Variants in HMGCS1 observed in about 807,000 individuals in gnomAD.
HMGCS1 encodes 3-hydroxy-3-methylglutaryl-CoA synthase 1, also known as hydroxymethylglutaryl-CoA synthase, cytoplasmic.
Under a neutral mutation model 52.3 loss-of-function variants are expected in HMGCS1, and 9 were observed. The observed-to-expected ratio is 0.17, with a 90% CI of 0.10 to 0.30. The LOEUF (loss-of-function observed/expected upper bound fraction) is 0.30. HMGCS1 is among the 10% of genes least tolerant of loss of function. The pLI is 1.00. For missense variants in HMGCS1, 320 were observed against 620.9 expected (o/e 0.52, Z 5.15); for synonymous variants, 176 against 214.4 (o/e 0.82, Z 1.57).
chr5:43,300,855 T>A (rs1019295044), intron 2 of HMGCS1, among the ~76,000 whole-genome samples: 1 of 151,430 alleles, frequency 6.6e-6, no homozygotes, highest in Non-Finnish European at 1.5e-5. Context: ...GTATCTTCCT[T>A]CCAAACAGAA....
chr5:43,308,646 G>A (rs536038273), intron 1 of HMGCS1, among the ~76,000 whole-genome samples: 1 of 152,268 alleles, frequency 6.6e-6, no homozygotes, highest in East Asian at 1.9e-4. Flanking sequence ...CAGTCCATCT[G>A]TTTTGAAAGA....
chr5:43,293,976 A>G, intron 8 of HMGCS1, 80 bp downstream of exon 8: 1 of 940,240 alleles, frequency 1.1e-6, no homozygotes, highest in Non-Finnish European at 1.7e-6. Flanking sequence ...CGGCCTCCCA[A>G]ACTGCTGGGA....
At chr5:43,311,458 C>T (rs112646866) in intron 1 of HMGCS1, among the ~76,000 whole-genome samples, 15 of 152,164 alleles carry the variant, frequency 9.9e-5, no homozygotes, top group African/African-American at 3.6e-4. Context: ...TCCACAGTAA[C>T]CCAGCATAAA....
At chr5:43,296,590 C>T (rs558836173) in intron 5 of HMGCS1, among the ~76,000 whole-genome samples, 6 of 152,144 alleles carry the variant, frequency 3.9e-5, no homozygotes, top group Admixed American at 3.3e-4. Context: ...AAAACAAATA[C>T]AAATTCACAG....
At chr5:43,310,153 G>A (rs1338205240) in intron 1 of HMGCS1, among the ~76,000 whole-genome samples, 2 of 152,174 alleles carry the variant, frequency 1.3e-5, no homozygotes, top group Non-Finnish European at 2.9e-5. Context: ...TGTTAAGAAA[G>A]ACTTGCTCAA....
intron 1 of HMGCS1, among the ~76,000 whole-genome samples, chr5:43,309,076 T>C (rs928828611): frequency 3.3e-5 from 5 of 152,080 alleles, no homozygotes; most frequent in Non-Finnish European, 5.9e-5. Context: ...AGAGACCAGT[T>C]CTTGAAAAAC....
chr5:43,307,174 G>A (rs989383641), intron 2 of HMGCS1, among the ~76,000 whole-genome samples: 2 of 150,790 alleles, frequency 1.3e-5, no homozygotes, highest in African/African-American at 4.9e-5. Flanking sequence ...GGGTTCAAGC[G>A]ATTCTCTTGC....
chr5:43,308,809 C>A (rs541753808), intron 1 of HMGCS1, among the ~76,000 whole-genome samples: 4 of 152,150 alleles, frequency 2.6e-5, no homozygotes, highest in Non-Finnish European at 5.9e-5. Flanking sequence ...TAAAGCTTTA[C>A]TTTTTTTACA....
intron 9 of HMGCS1, 70 bp from the exon 10 acceptor site, chr5:43,292,707 T>C: frequency 2.0e-6 from 3 of 1,516,834 alleles, no homozygotes; most frequent in Non-Finnish European, 2.7e-6. Flanking sequence ...AAGCTAAAGA[T>C]AAGTTTCATA....
chr5:43,304,790 T>G (rs1415129703), intron 2 of HMGCS1, among the ~76,000 whole-genome samples: 1 of 152,228 alleles, frequency 6.6e-6, no homozygotes, highest in African/African-American at 2.4e-5. Flanking sequence ...CAGTCAATAT[T>G]ACTCATTCTC....
intron 10 of HMGCS1, among the ~76,000 whole-genome samples, chr5:43,291,987 C>CTTTTTTTTTTTTTTT (rs537398917): frequency 1.2e-5 from 1 of 83,114 alleles, no homozygotes; most frequent in Non-Finnish European, 2.1e-5. Context: ...ACTGTATATT[C>CTTTTTTTTTTTTTTT]TTTTTTTTTT....
chr5:43,297,456 C>T (rs1423478636), intron 4 of HMGCS1, among the ~76,000 whole-genome samples: 3 of 152,198 alleles, frequency 2.0e-5, no homozygotes, highest in African/African-American at 7.2e-5. Flanking sequence ...CAGTGACTAT[C>T]AGCAAGTTAC....
intron 5 of HMGCS1, among the ~76,000 whole-genome samples, chr5:43,296,761 T>C (rs776744053): frequency 5.9e-5 from 9 of 152,214 alleles, no homozygotes; most frequent in Non-Finnish European, 1.3e-4. Flanking sequence ...TTGATTTTCT[T>C]ACAAGGGGTA....
chr5:43,291,079 A>ACCCCCCCCCCCAGCCCCCCCC lies in HMGCS1; in HGVS notation c.*51_*52insGGGGGGGGCTGGGGGGGGGGG. ...ATCCCATTCCTCCAACTGTTCCCAT[A>ACCCCCCCCCCCAGCCCCCCCC]CCCCCACCCCATGCCCACCCCACCC... On this transcript the variant is annotated 3_prime_UTR_variant, in exon 11 of 11. Transcript: ENST00000325110. The ACCCCCCCCCCCAGCCCCCCCC allele has an allele frequency of 2.6e-6, 2 of 780,104 alleles. No individual in the cohort carries two copies. The highest frequency in any genetic ancestry group is 4.6e-6 in the Non-Finnish European group (2 of 430,614). 48.3% of individuals were successfully genotyped at this position (780,104 alleles called of 1,614,324 possible). A position where few individuals can be genotyped will look rare whatever the true frequency, so the allele number is the denominator to read the frequency against.
chr5:43,311,880 A>G (rs998289517), intron 1 of HMGCS1, among the ~76,000 whole-genome samples: 4 of 152,228 alleles, frequency 2.6e-5, no homozygotes, highest in African/African-American at 9.7e-5. Context: ...TGATGATTAT[A>G]CTAGAATTGA....
intron 10 of HMGCS1, among the ~76,000 whole-genome samples, chr5:43,292,028 C>T (rs1421887039): frequency 8.9e-6 from 1 of 112,450 alleles, no homozygotes; most frequent in African/African-American, 3.6e-5. Flanking sequence ...GAATCTTGCT[C>T]TGTCGCCAGG....
Position 43,291,120 on chromosome 5 carries a change from C to T in HMGCS1, c.*11G>A, listed in dbSNP as rs756856972. On this transcript the variant is annotated 3_prime_UTR_variant, in exon 11 of 11. Coordinates refer to ENST00000325110, the MANE Select transcript of HMGCS1 (RefSeq NM_001098272.3). ...CACCCCACCCTGAAGTCTTGCACCT[C>T]ACAGAGTATCTTAATGTTCCCCATT... The T allele has an allele frequency of 8.1e-7, 1 of 1,230,642 alleles. No individual in the cohort carries two copies. The highest frequency in any genetic ancestry group is 1.2e-5 in the South Asian group (1 of 84,202). 76.2% of individuals were successfully genotyped at this position (1,230,642 alleles called of 1,614,324 possible).
chr5:43,294,058 G>C lies in HMGCS1; in HGVS notation c.1181C>G (p.Pro394Arg), dbSNP rs151190839. The C allele has an allele frequency of 1.4e-5, 22 of 1,577,978 alleles. No homozygotes were observed. Among genetic ancestry groups the C allele is most frequent in the Non-Finnish European group, 1.9e-5 (22 of 1,147,206 alleles). ...TTGTTGAAAGATTCAGCACTTACCCGGTGTAGCATCTTGTGTGACTTTAAG... is the reference window on the plus strand; with the variant it reads ...TTGTTGAAAGATTCAGCACTTACCCCGTGTAGCATCTTGTGTGACTTTAAG... ...YSLKVTQDAT[P>R]GSALDKITAS... The change falls in exon 8 of 11, where the codon CCG becomes CGG. Residue 394 changes from proline to arginine, a missense_variant and splice_region_variant. Physicochemically the swap from Pro to Arg is moderately radical, Grantham distance 103. This residue lies in a region of HMGCS1 where 213 missense variants were observed against 337.4 expected (regional missense o/e 0.63). Coordinates refer to ENST00000325110, the MANE Select transcript of HMGCS1 (RefSeq NM_001098272.3).
intron 2 of HMGCS1, 28 bp from the exon 3 acceptor site, chr5:43,299,003 T>C (rs1041219790): frequency 1.4e-5 from 21 of 1,516,840 alleles, no homozygotes; most frequent in Middle Eastern, 1.8e-4. Context: ...AGAAAAAAAA[T>C]TGTTTTAGGT....
Sources: gnomAD v4.1 joint callset for allele counts (sites outside exome capture counted in the v4.1 genomes callset) on GRCh38, gnomAD v4.1.1 for gene constraint, gnomAD v4.1.1 regional missense constraint, MANE v1.5 for transcripts, NCBI Gene and HGNC (gene_info 2026-07-23, HGNC 2026-07-21) for gene names.